Variants in TTC27 observed in about 807,000 individuals in gnomAD.
The protein encoded by TTC27 is tetratricopeptide repeat domain 27, also known as tetratricopeptide repeat protein 27.
In TTC27, 79 loss-of-function variants were observed where a neutral mutation model predicts 115.9. That is an observed-to-expected ratio of 0.68 (90% CI 0.57 to 0.82). TTC27 has a LOEUF of 0.82. Among genes scored for constraint, TTC27 ranks in the 40% least tolerant of loss-of-function variants. TTC27 has a pLI of 0.00. For missense variants in TTC27, 1,054 were observed against 993.1 expected (o/e 1.06, Z -0.82); for synonymous variants, 401 against 356.0 (o/e 1.13, Z -1.42).
At chr2:32,771,248 CAT>C (rs1219607351) in intron 13 of TTC27, among the ~76,000 whole-genome samples, 1 of 152,190 alleles carries the variant, frequency 6.6e-6, no homozygotes, top group African/African-American at 2.4e-5. Context: ...AGGTGTCTAA[CAT>C]ATTTCCTGGC....
intron 10 of TTC27, among the ~76,000 whole-genome samples, chr2:32,703,711 C>A (rs1319128580): frequency 6.6e-6 from 1 of 152,158 alleles, no homozygotes; most frequent in Non-Finnish European, 1.5e-5. Context: ...AGCATTTAGT[C>A]TCTTTTACAC....
At chr2:32,768,746 A>G (rs746531250) in intron 13 of TTC27, among the ~76,000 whole-genome samples, 4 of 152,242 alleles carry the variant, frequency 2.6e-5, no homozygotes, top group Non-Finnish European at 5.9e-5. Flanking sequence ...CATGGAAAAC[A>G]TAGAATGACT....
intron 10 of TTC27, among the ~76,000 whole-genome samples, chr2:32,725,437 C>T (rs1269487709): frequency 1.3e-5 from 2 of 152,036 alleles, no homozygotes; most frequent in Non-Finnish European, 2.9e-5. Context: ...AGGCTATGGG[C>T]CCCATGCAAG....
chr2:32,688,731 A>C lies in TTC27; in HGVS notation c.1119+9809A>C, dbSNP rs553320610. ...AAGATACCACTGTACATTACTGAAA[A>C]GACTTACATAACACTTTGTGGGGTA... On this transcript the variant is annotated intron_variant, in intron 9 of 19. Transcript: ENST00000317907. 9.2e-5 allele frequency among the ~76,000 whole-genome samples: 14 copies of C among 152,284 alleles called. No individual in the cohort carries two copies. The East Asian group carries it at 2.3e-3, about 25-fold the overall frequency.
intron 10 of TTC27, among the ~76,000 whole-genome samples, chr2:32,710,824 T>A (rs1667550411): frequency 6.6e-6 from 1 of 151,812 alleles, no homozygotes; most frequent in Non-Finnish European, 1.5e-5. Context: ...AACATAGATT[T>A]AAAAGAAGGC....
chr2:32,775,645 A>T (rs1421825063), intron 13 of TTC27, among the ~76,000 whole-genome samples: 1 of 152,206 alleles, frequency 6.6e-6, no homozygotes, highest in Non-Finnish European at 1.5e-5. Context: ...CCTTATTCCA[A>T]GTAAACTTGG....
chr2:32,725,893 G>A (rs1039334618), intron 10 of TTC27, among the ~76,000 whole-genome samples: 3 of 152,198 alleles, frequency 2.0e-5, no homozygotes, highest in African/African-American at 7.2e-5. Flanking sequence ...TCAAACCTGA[G>A]TTCTTGACTT....
chr2:32,782,500 C>A, intron 14 of TTC27, 126 bp from the exon 15 acceptor site: 1 of 618,162 alleles, frequency 1.6e-6, no homozygotes, highest in Non-Finnish European at 2.7e-6. Context: ...TTTAAACACA[C>A]TCTTATTGAA....
At chr2:32,767,443 G>GTTTTTTTTTTTTTTTTTTTTTTTT (rs150586627) in intron 13 of TTC27, among the ~76,000 whole-genome samples, 2 of 112,208 alleles carry the variant, frequency 1.8e-5, no homozygotes, top group African/African-American at 3.2e-5. Flanking sequence ...ATATTTATAA[G>GTTTTTTTTTTTTTTTTTTTTTTTT]TTTTTTTTTG....
At chr2:32,717,350 G>A (rs1667788647) in intron 10 of TTC27, among the ~76,000 whole-genome samples, 1 of 152,052 alleles carries the variant, frequency 6.6e-6, no homozygotes, top group African/African-American at 2.4e-5. Context: ...ACTGATTATT[G>A]ATTATACACC....
In TTC27 at chr2:32,728,807, C is replaced by T. The variant is rs181157584; in HGVS notation, c.1234-5021C>T. On this transcript the variant is annotated intron_variant, in intron 10 of 19. Coordinates refer to ENST00000317907, the MANE Select transcript of TTC27 (RefSeq NM_017735.5). ...TGTTGATACTTACTAGGTGTGTTAA[C>T]AGTTTTAATTGTTATTCTCCCTGTT... Among the ~76,000 whole-genome samples, 299 of 152,206 alleles carry T rather than the reference C, an allele frequency of 2.0e-3. 2 individuals carry two copies. Among genetic ancestry groups the T allele is most frequent in the Middle Eastern group, 0.014 (4 of 294 alleles).
intron 16 of TTC27, among the ~76,000 whole-genome samples, chr2:32,795,474 T>C (rs1380833298): frequency 6.6e-6 from 1 of 151,766 alleles, no homozygotes; most frequent in Non-Finnish European, 1.5e-5. Context: ...AAAAGCCAGG[T>C]ATGAAAAACC....
intron 10 of TTC27, among the ~76,000 whole-genome samples, chr2:32,733,011 T>A (rs1177296526): frequency 6.6e-6 from 1 of 152,184 alleles, no homozygotes; most frequent in Non-Finnish European, 1.5e-5. Flanking sequence ...AAAATGATCA[T>A]GATAATGGGG....
At chr2:32,701,342 A>C (rs1394486594) in intron 9 of TTC27, among the ~76,000 whole-genome samples, 1 of 152,210 alleles carries the variant, frequency 6.6e-6, no homozygotes, top group Non-Finnish European at 1.5e-5. Context: ...TGGTAGTATC[A>C]TCCATGTCCA....
intron 14 of TTC27, among the ~76,000 whole-genome samples, chr2:32,781,031 CTT>C (rs1670158472): frequency 6.6e-6 from 1 of 152,134 alleles, no homozygotes; most frequent in Non-Finnish European, 1.5e-5. Context: ...ACATATTGCT[CTT>C]TGAGAAATTC....
intron 10 of TTC27, among the ~76,000 whole-genome samples, chr2:32,711,386 G>C (rs1414361910): frequency 6.6e-6 from 1 of 152,122 alleles, no homozygotes; most frequent in African/African-American, 2.4e-5. Flanking sequence ...CATGTGACAG[G>C]ATGAATGCAC....
intron 18 of TTC27, among the ~76,000 whole-genome samples, chr2:32,814,054 G>A (rs535346724): frequency 6.6e-6 from 1 of 152,206 alleles, no homozygotes; most frequent in East Asian, 1.9e-4. Flanking sequence ...TGATGTATTA[G>A]GTACATAATT....
At chr2:32,672,566 A>G (rs555950371) in intron 8 of TTC27, among the ~76,000 whole-genome samples, 182 bp downstream of exon 8, 7 of 152,350 alleles carry the variant, frequency 4.6e-5, no homozygotes, top group South Asian at 4.1e-4. Context: ...CAAATCTCCA[A>G]TGAGTTGATA....
At chr2:32,794,935 A>G (rs1670647218) in intron 16 of TTC27, among the ~76,000 whole-genome samples, 2 of 152,180 alleles carry the variant, frequency 1.3e-5, no homozygotes, top group Non-Finnish European at 1.5e-5. Flanking sequence ...AGTAGATAGA[A>G]TCAGGAATCA....
Sources: allele counts gnomAD v4.1 joint callset (sites outside exome capture counted in the v4.1 genomes callset), GRCh38; gene constraint gnomAD v4.1.1; transcripts MANE v1.5; gene names NCBI Gene and HGNC (gene_info 2026-07-23, HGNC 2026-07-21).